HGSNAT: variants seen among roughly 807,000 people sequenced by gnomAD.
The protein encoded by HGSNAT is transmembrane protein 76.
In HGSNAT, 59 loss-of-function variants were observed where a neutral mutation model predicts 85.2. That is an observed-to-expected ratio of 0.69 (90% CI 0.56 to 0.86). The LOEUF (loss-of-function observed/expected upper bound fraction) is 0.86, where lower values mean the gene tolerates loss of function less well. Ranked by LOEUF, HGSNAT falls within the 40% of genes least tolerant of loss-of-function variation. HGSNAT has a pLI of 0.00. For missense variants in HGSNAT, 756 were observed against 777.1 expected (o/e 0.97, Z 0.32); for synonymous variants, 321 against 304.5 (o/e 1.05, Z -0.56).
intron 2 of HGSNAT, among the ~76,000 whole-genome samples, chr8:43,149,568 C>T (rs564415521): frequency 3.3e-5 from 5 of 151,574 alleles, no homozygotes; most frequent in East Asian, 2.0e-4. Context: ...GGCATGGTGG[C>T]GGGCGCCTGT....
chr8:43,153,308 T>C (rs983189005), intron 2 of HGSNAT, among the ~76,000 whole-genome samples: 1 of 152,072 alleles, frequency 6.6e-6, no homozygotes, highest in African/African-American at 2.4e-5. Context: ...AGTTAAAAAG[T>C]AAACCCACAA....
intron 1 of HGSNAT, among the ~76,000 whole-genome samples, chr8:43,143,300 C>T (rs771140082): frequency 2.0e-5 from 3 of 152,104 alleles, no homozygotes; most frequent in Non-Finnish European, 4.4e-5. Context: ...ATAATTAGGA[C>T]GTGCCATTTT....
chr8:43,178,080 AT>A lies in HGSNAT; in HGVS notation c.861del (p.Phe287LeufsTer11). ...ATAACTAGATTCTTTTTAGGTTTGTATTTATTATGGGATCTTCCATTTTTCT... is the reference window on the plus strand; with the variant it reads ...ATAACTAGATTCTTTTTAGGTTTGTATTATTATGGGATCTTCCATTTTTCT... ...VADLVFPWFV[F>X]IMGSSIFLSM... On this transcript the variant is annotated frameshift_variant, in exon 10 of 18. Transcript: ENST00000379644. LOFTEE classifies it high-confidence loss of function. 6.2e-7 allele frequency: 1 copy of A among 1,613,198 alleles called. No individual in the cohort carries two copies. The highest frequency in any genetic ancestry group is 8.5e-7 in the Non-Finnish European group (1 of 1,179,426).
At chr8:43,194,128 T>G in intron 14 of HGSNAT, 1 of 1,171,604 alleles carries the variant, frequency 8.5e-7, no homozygotes, top group Non-Finnish European at 1.1e-6. Flanking sequence ...CAAGCTGCAG[T>G]GGCTCATGCC....
At position 43,186,517 on chromosome 8, in the gene HGSNAT, G is replaced by T. The variant is rs182489405; in HGVS notation, c.1128+4257G>T. ...TTATCATTTTTTATTGTGTCTATTTGATTCTTCTCCCTTTTCTTCTTTATT... is the reference window on the plus strand; with the variant it reads ...TTATCATTTTTTATTGTGTCTATTTTATTCTTCTCCCTTTTCTTCTTTATT... On this transcript the variant is annotated intron_variant, in intron 11 of 17. Coordinates refer to ENST00000379644, the MANE Select transcript of HGSNAT (RefSeq NM_152419.3). Among the ~76,000 whole-genome samples, 665 of 151,920 alleles carry T rather than the reference G, an allele frequency of 4.4e-3. 8 individuals carry two copies. The highest frequency in any genetic ancestry group is 0.015 in the African/African-American group (636 of 41,434).
intron 14 of HGSNAT, among the ~76,000 whole-genome samples, chr8:43,195,023 G>A (rs1020493491): frequency 3.3e-5 from 5 of 152,048 alleles, no homozygotes; most frequent in Non-Finnish European, 7.4e-5. Context: ...AGCCAGGGTC[G>A]CTGTTGAGCA....
chr8:43,181,670 T>C (rs1374569305), intron 10 of HGSNAT: 1 of 156,870 alleles, frequency 6.4e-6, no homozygotes, highest in African/African-American at 2.4e-5. Context: ...TACGGTTGGG[T>C]AGCAGATAGG....
Position 43,178,252 on chromosome 8 carries a change from CTGTT to C in HGSNAT, c.1012+19_1012+22del. On this transcript the variant is annotated intron_variant, in intron 10 of 17. Coordinates refer to ENST00000379644, the MANE Select transcript of HGSNAT (RefSeq NM_152419.3). ...TGGTCCATGTAAGTACTTTTTCCCT[CTGTT>C]ATATATATTCAGGTTGAAATATGGA... The C allele has an allele frequency of 6.7e-7, 1 of 1,490,654 alleles. No homozygotes were observed. The highest frequency in any genetic ancestry group is 1.5e-5 in the South Asian group (1 of 68,962). The allele number at this position is 1,490,654 out of a possible 1,614,324, so 92.3% of individuals were successfully genotyped here.
rs762498109 is a variant in HGSNAT at position 43,182,259 on chromosome 8, C to T, written c.1127C>T (p.Ser376Leu). 28 of 1,608,630 alleles carry T rather than the reference C, an allele frequency of 1.7e-5. No homozygotes were observed. The highest frequency in any genetic ancestry group is 5.4e-5 in the African/African-American group (4 of 74,716). ...FAKPVPEHCA[S>L]ERSCLSLRDI... ...AAACCTGTGCCTGAACATTGTGCCT[C>T]GGTGAGAAACCATGTTTTAATTAAG... Residue 376 changes from serine to leucine, a missense_variant and splice_region_variant, in exon 11 of 18, where the codon TCG becomes TTG. Transcript: ENST00000379644.
intron 2 of HGSNAT, among the ~76,000 whole-genome samples, chr8:43,149,972 T>A (rs1174139133): frequency 2.0e-5 from 3 of 152,088 alleles, no homozygotes; most frequent in Admixed American, 1.3e-4. Context: ...ATTTATTTAT[T>A]TTAAGACGGA....
intron 17 of HGSNAT, 130 bp downstream of exon 17, chr8:43,198,082 A>G (rs1026355990): frequency 3.1e-6 from 2 of 648,930 alleles, no homozygotes; most frequent in Admixed American, 5.4e-5. Context: ...AGCCAGGCTG[A>G]GGGAGGAAGC....
intron 10 of HGSNAT, among the ~76,000 whole-genome samples, chr8:43,181,298 G>A (rs1164326211): frequency 6.6e-6 from 1 of 151,496 alleles, no homozygotes; most frequent in East Asian, 2.0e-4. Context: ...GCACTTGTAT[G>A]GCAGCTGGGT....
chr8:43,194,084 G>C, intron 14 of HGSNAT: 1 of 1,272,330 alleles, frequency 7.9e-7, no homozygotes, highest in African/African-American at 1.5e-5. Flanking sequence ...GCTTATCTTA[G>C]CACGGCAGTT....
chr8:43,158,379 T>A (rs1276695206), intron 2 of HGSNAT, among the ~76,000 whole-genome samples, 196 bp from the exon 3 acceptor site: 1 of 152,220 alleles, frequency 6.6e-6, no homozygotes, highest in African/African-American at 2.4e-5. Context: ...ATTACAGGTA[T>A]GAGCCACTGC....
At chr8:43,188,154 G>A (rs1171377716) in intron 11 of HGSNAT, among the ~76,000 whole-genome samples, 1 of 152,054 alleles carries the variant, frequency 6.6e-6, no homozygotes, top group Non-Finnish European at 1.5e-5. Context: ...TATCTTTGTG[G>A]TGTTCTCTGT....
At chr8:43,164,265 G>A (rs1803360008) in intron 5 of HGSNAT, among the ~76,000 whole-genome samples, 1 of 152,152 alleles carries the variant, frequency 6.6e-6, no homozygotes, top group African/African-American at 2.4e-5. Context: ...GATGATGGAG[G>A]TCCATTATTC....
Position 43,169,258 on chromosome 8 carries a change from C to CAT in HGSNAT, c.633+18_633+19dup. On this transcript the variant is annotated intron_variant, in intron 6 of 17. Transcript: ENST00000379644. ...CATCAATTCTGTAAGTTATGAGATG[C>CAT]ATAGTGTATTGCCCAGGTGGTTTTC... 6.6e-7 allele frequency: 1 copy of CAT among 1,510,968 alleles called. No individual in the cohort carries two copies. Among genetic ancestry groups the CAT allele is most frequent in the East Asian group, 2.3e-5 (1 of 43,500 alleles). 93.6% of individuals were successfully genotyped at this position (1,510,968 alleles called of 1,614,324 possible). A position where few individuals can be genotyped will look rare whatever the true frequency, so the allele number is the denominator to read the frequency against.
chr8:43,153,571 C>T (rs1020232404), intron 2 of HGSNAT, among the ~76,000 whole-genome samples: 1 of 151,960 alleles, frequency 6.6e-6, no homozygotes, highest in African/African-American at 2.4e-5. Flanking sequence ...CTTTGTGGTG[C>T]GATGGTTCAA....
rs886062955 is a variant in HGSNAT at position 43,199,729 on chromosome 8, C to T, written c.*160C>T. 6 of 441,602 alleles carry T rather than the reference C, an allele frequency of 1.4e-5. No individual in the cohort carries two copies. The East Asian group carries it at 1.7e-4, about 13-fold the overall frequency. 27.4% of individuals were successfully genotyped at this position (441,602 alleles called of 1,614,324 possible). A position where few individuals can be genotyped will look rare whatever the true frequency, so the allele number is the denominator to read the frequency against. On this transcript the variant is annotated 3_prime_UTR_variant, in exon 18 of 18. Coordinates refer to ENST00000379644, the MANE Select transcript of HGSNAT (RefSeq NM_152419.3). Reference sequence around the variant, plus strand: ...ATGTCCTCAAACTGGTTAACTGTGACACGGCTCGCCAGAACTCTGCCTGTC... The same window carrying T: ...ATGTCCTCAAACTGGTTAACTGTGATACGGCTCGCCAGAACTCTGCCTGTC...
Sources: gnomAD v4.1 joint callset for allele counts (sites outside exome capture counted in the v4.1 genomes callset) on GRCh38, gnomAD v4.1.1 for gene constraint, MANE v1.5 for transcripts, NCBI Gene and HGNC (gene_info 2026-07-23, HGNC 2026-07-21) for gene names.